The following DLC1 variants were observed in gnomAD, a reference collection of about 807,000 sequenced individuals.
DLC1 encodes the protein DLC1 Rho GTPase activating protein, also known as rho GTPase-activating protein 7.
Under a neutral mutation model 140.3 loss-of-function variants are expected in DLC1, and 54 were observed. The ratio of observed to expected loss-of-function variants is 0.38; its 90% CI spans 0.31 to 0.48. DLC1 has a LOEUF of 0.48. Among genes scored for constraint, DLC1 ranks in the 20% least tolerant of loss-of-function variants. DLC1 has a pLI of 0.96. For missense variants in DLC1, 2,536 were observed against 1,907.0 expected, an observed-to-expected ratio of 1.33 and a Z score of -6.14; for synonymous variants, 986 against 728.1, an observed-to-expected ratio of 1.35 and a Z score of -5.70.
At chr8:13,293,306 G>C (rs1831832241) in intron 5 of DLC1, among the ~76,000 whole-genome samples, 1 of 152,154 alleles carries the variant, frequency 6.6e-6, no homozygotes, top group Admixed American at 6.5e-5. Flanking sequence ...TATAAAAAGA[G>C]ATAATTTATT....
At chr8:13,271,964 T>C (rs1439923654) in intron 5 of DLC1, among the ~76,000 whole-genome samples, 1 of 152,250 alleles carries the variant, frequency 6.6e-6, no homozygotes, top group African/African-American at 2.4e-5. Context: ...CGTGAGCCAC[T>C]GTACCCAGGC....
chr8:13,236,179 G>A (rs1394207545), intron 5 of DLC1, among the ~76,000 whole-genome samples: 1 of 151,960 alleles, frequency 6.6e-6, no homozygotes, highest in Non-Finnish European at 1.5e-5. Context: ...ATAAAATTTT[G>A]TAAGATCAAG....
chr8:13,578,342 T>G (rs1221381332), intron 1 of DLC1, among the ~76,000 whole-genome samples: 1 of 152,202 alleles, frequency 6.6e-6, no homozygotes, highest in African/African-American at 2.4e-5. Flanking sequence ...AAACTGTGTT[T>G]TCGTACTCTC....
chr8:13,361,263 G>A (rs1252925371), intron 4 of DLC1, among the ~76,000 whole-genome samples: 3 of 151,932 alleles, frequency 2.0e-5, no homozygotes, highest in Non-Finnish European at 4.4e-5. Context: ...ACGAGAGAGA[G>A]AAAGAAACAG....
chr8:13,420,647 C>A (rs780705200), intron 2 of DLC1, among the ~76,000 whole-genome samples: 16 of 152,062 alleles, frequency 1.1e-4, no homozygotes, highest in Non-Finnish European at 2.1e-4. Flanking sequence ...TGAGTGAGAA[C>A]ATGCAGTATT....
rs191812233 is a variant in DLC1, at chr8:13,567,128, C to T, written c.-126+37409G>A. On this transcript the variant is annotated intron_variant, in intron 1 of 1. Transcript: ENST00000631382. ...TTCAGCTCCTCTGGAGGACGGCAGT[C>T]CTCGCCCCTGACCTCTGGGAGCAAA... 1.7e-5 allele frequency: 27 copies of T among 1,551,730 alleles called. 1 individual carries two copies. The Admixed American group carries it at 4.3e-4, about 25-fold the overall frequency.
At chr8:13,138,009 C>A (rs1371215370) in intron 5 of DLC1, among the ~76,000 whole-genome samples, 2 of 152,152 alleles carry the variant, frequency 1.3e-5, no homozygotes, top group Non-Finnish European at 2.9e-5. Flanking sequence ...GTAGTTAACT[C>A]CTAAACTGCA....
chr8:13,478,338 C>T (rs1000846096), intron 2 of DLC1, among the ~76,000 whole-genome samples: 2 of 152,150 alleles, frequency 1.3e-5, no homozygotes, highest in African/African-American at 4.8e-5. Flanking sequence ...CAAGGCATCA[C>T]CAAGCCTGAG....
intron 2 of DLC1, among the ~76,000 whole-genome samples, chr8:13,416,367 G>A (rs976037890): frequency 6.6e-6 from 1 of 152,182 alleles, no homozygotes; most frequent in South Asian, 2.1e-4. Context: ...TGAATACCAT[G>A]TGATGTGATT....
chr8:13,428,695 G>T (rs958015933), intron 2 of DLC1, among the ~76,000 whole-genome samples: 1 of 150,262 alleles, frequency 6.7e-6, no homozygotes, highest in Admixed American at 6.7e-5. Flanking sequence ...GAGTCTCTGA[G>T]AGTTAAAAAC....
chr8:13,560,132 G>T (rs559086971), intron 1 of DLC1, among the ~76,000 whole-genome samples: 13 of 152,092 alleles, frequency 8.5e-5, no homozygotes, highest in African/African-American at 2.9e-4. Flanking sequence ...TAAATATACT[G>T]GGCATATTCA....
At chr8:13,404,647 C>A (rs1403176318) in intron 2 of DLC1, among the ~76,000 whole-genome samples, 2 of 151,938 alleles carry the variant, frequency 1.3e-5, no homozygotes, top group South Asian at 2.1e-4. Flanking sequence ...ACCTGAGCAA[C>A]AAGGAATTTA....
intron 10 of DLC1, chr8:13,095,533 T>A: frequency 5.9e-6 from 2 of 338,260 alleles, no homozygotes; most frequent in South Asian, 5.6e-5. Context: ...CTAGATCTTC[T>A]AAGAGTGGGG....
At chr8:13,295,885 A>G (rs1831923924) in intron 5 of DLC1, among the ~76,000 whole-genome samples, 1 of 151,534 alleles carries the variant, frequency 6.6e-6, no homozygotes, top group African/African-American at 2.4e-5. Flanking sequence ...GTGCACTGGA[A>G]ACTCAAAAGA....
At position 13,499,635 on chromosome 8, in the gene DLC1, G is replaced by C; in HGVS notation, c.437C>G (p.Ser146Cys). Residue 146 changes from serine to cysteine, a missense_variant, in exon 2 of 18, where the codon TCC (serine) becomes TGC (cysteine). Transcript: ENST00000276297. ...SGQHMIQGAG[S>C]LEKALPIIQS... ...TATGATGGGCAGTGCCTTTTCTAAG[G>C]AGCCTGCTCCTTGGATCATATGTTG... 6.2e-7 allele frequency: 1 copy of C among 1,614,138 alleles called. No individual in the cohort carries two copies. The highest frequency in any genetic ancestry group is 8.5e-7 in the Non-Finnish European group (1 of 1,180,012).
chr8:13,099,220 C>A, intron 9 of DLC1, 127 bp downstream of exon 9: 3 of 1,463,228 alleles, frequency 2.1e-6, no homozygotes, highest in South Asian at 1.5e-5. Context: ...TGGTTTGACA[C>A]CTTCCTTAGG....
chr8:13,503,627 A>T (rs1801920523), intron 1 of DLC1, among the ~76,000 whole-genome samples: 1 of 152,220 alleles, frequency 6.6e-6, no homozygotes, highest in Non-Finnish European at 1.5e-5. Context: ...CAAGGTGCAG[A>T]TGAAGTACCA....
At chr8:13,242,965 T>C (rs1829605099) in intron 5 of DLC1, among the ~76,000 whole-genome samples, 2 of 152,014 alleles carry the variant, frequency 1.3e-5, no homozygotes, top group Admixed American at 6.6e-5. Flanking sequence ...GATTGGATCA[T>C]GGGGTGGATT....
Position 13,098,575 on chromosome 8 carries a change from C to A in DLC1, c.2991G>T (p.Arg997Ser), listed in dbSNP as rs1389610861. 1.9e-6 allele frequency: 3 copies of A among 1,612,628 alleles called. No homozygotes were observed. The African/African-American group carries it at 4.0e-5, about 22-fold the overall frequency. The change falls in exon 10 of 18, where the codon AGG (arginine) becomes AGT (serine). Residue 997 changes from arginine (R) to serine (S), a missense_variant and splice_region_variant. Arg to Ser is a moderately radical substitution (Grantham distance 110). Transcript: ENST00000276297. ...GVGASLTRSNRHRLRWHSFQS... is the reference protein window; with the variant it reads ...GVGASLTRSNSHRLRWHSFQS... ...GGAAACTGTGCCATCTCAGTCGGTGCCTGCGAGAGAAGAGGAGAGGAAAAT... is the reference window on the plus strand; with the variant it reads ...GGAAACTGTGCCATCTCAGTCGGTGACTGCGAGAGAAGAGGAGAGGAAAAT...
Sources: gnomAD v4.1 joint callset for allele counts (sites outside exome capture counted in the v4.1 genomes callset) on GRCh38, gnomAD v4.1.1 for gene constraint, MANE v1.5 for transcripts, NCBI Gene and HGNC (gene_info 2026-07-23, HGNC 2026-07-21) for gene names.